PLXNA4: variants seen among roughly 807,000 people sequenced by gnomAD.
PLXNA4 encodes the protein plexin-A4.
In PLXNA4, 44 loss-of-function variants were observed where a neutral mutation model predicts 191.8. The ratio of observed to expected loss-of-function variants is 0.23; its 90% confidence interval spans 0.18 to 0.29. The LOEUF is 0.29. PLXNA4 is among the 10% of genes least tolerant of loss of function. The probability of loss-of-function intolerance (pLI) is 1.00; values close to 1 mark genes in which losing one functional copy is unlikely to be tolerated. For synonymous variants in PLXNA4, 1,082 were observed against 1,009.5 expected (o/e 1.07, Z -1.36); for missense variants, 1,800 against 2,488.8 (o/e 0.72, Z 5.89).
At chr7:132,305,086 GCTGTGGGAGGGGATTCTTGGAGA>G (rs1404524442) in intron 3 of PLXNA4, among the ~76,000 whole-genome samples, 3 of 152,208 alleles carry the variant, frequency 2.0e-5, no homozygotes, top group Non-Finnish European at 4.4e-5. Flanking sequence ...CAGAATCGTT[GCTGTGGGAGGGGATTCTTGGAGA>G]CTCTTACCTG....
At chr7:132,630,156 C>A (rs1194783076) in intron 2 of PLXNA4, among the ~76,000 whole-genome samples, 1 of 151,996 alleles carries the variant, frequency 6.6e-6, no homozygotes, top group South Asian at 2.1e-4. Context: ...GGCCTGGTGT[C>A]TCTTCTTATA....
At chr7:132,385,031 C>T (rs1254984653) in intron 3 of PLXNA4, 62 of 1,444,892 alleles carry the variant, frequency 4.3e-5, no homozygotes, top group Non-Finnish European at 5.4e-5. Context: ...GACACATTCT[C>T]CAAAGTCTTT....
At chr7:132,612,778 G>A (rs1803078131) in intron 2 of PLXNA4, among the ~76,000 whole-genome samples, 1 of 150,928 alleles carries the variant, frequency 6.6e-6, no homozygotes, top group South Asian at 2.1e-4. Flanking sequence ...CCTGTGTATT[G>A]TTAGATATTT....
intron 5 of PLXNA4, 39 bp from the exon 6 acceptor site, chr7:132,228,508 C>T (rs764075879): frequency 1.4e-5 from 23 of 1,612,042 alleles, no homozygotes; most frequent in South Asian, 1.2e-4. Flanking sequence ...AGGAGATGGC[C>T]GCTTGGTCCA....
chr7:132,230,405 C>T (rs975347690), intron 5 of PLXNA4, among the ~76,000 whole-genome samples: 4 of 152,148 alleles, frequency 2.6e-5, no homozygotes, highest in South Asian at 2.1e-4. Context: ...CTAGGCTAAT[C>T]GCTATTTTTG....
At chr7:132,560,390 A>G (rs1800988566) in intron 1 of PLXNA4, among the ~76,000 whole-genome samples, 1 of 152,204 alleles carries the variant, frequency 6.6e-6, no homozygotes, top group Admixed American at 6.5e-5. Flanking sequence ...TGCTTTCAGA[A>G]CAATTTCAAG....
In PLXNA4 at chr7:132,228,482, T is replaced by C; in HGVS notation, c.1605-13A>G. 2.5e-6 allele frequency: 4 copies of C among 1,613,856 alleles called. No homozygotes were observed. Among genetic ancestry groups the C allele is most frequent in the South Asian group, 1.1e-5 (1 of 91,064 alleles). ...CTTCCGGGTGCAACTGGGAAGGACA[T>C]ACCCTCGAGTTACTCAGGAGATGGC... On this transcript the variant is annotated splice_polypyrimidine_tract_variant and intron_variant, in intron 5 of 31. Coordinates refer to ENST00000321063, the MANE Select transcript of PLXNA4 (RefSeq NM_020911.2).
intron 2 of PLXNA4, among the ~76,000 whole-genome samples, chr7:132,621,268 G>GTT (rs542790311): frequency 2.9e-4 from 24 of 83,180 alleles, no homozygotes; most frequent in Non-Finnish European, 3.4e-4. Context: ...TGGTTTTTTT[G>GTT]TTTTTTTTTT....
chr7:132,204,734 C>T (rs1390886437), intron 10 of PLXNA4, among the ~76,000 whole-genome samples: 1 of 152,164 alleles, frequency 6.6e-6, no homozygotes, highest in African/African-American at 2.4e-5. Context: ...AGGGCTACTG[C>T]CTCTGGGCAG....
At chr7:132,279,834 A>G (rs1563009019) in intron 4 of PLXNA4, among the ~76,000 whole-genome samples, 1 of 152,200 alleles carries the variant, frequency 6.6e-6, no homozygotes, top group South Asian at 2.1e-4. Flanking sequence ...GGACGGAGAG[A>G]TGATGACATT....
chr7:132,555,435 G>T (rs1800762534), intron 1 of PLXNA4, among the ~76,000 whole-genome samples: 1 of 152,180 alleles, frequency 6.6e-6, no homozygotes, highest in Admixed American at 6.5e-5. Context: ...AAACTGAAGT[G>T]TTTTAATCCA....
chr7:132,521,552 T>C (rs1267049901), intron 1 of PLXNA4, among the ~76,000 whole-genome samples: 1 of 152,138 alleles, frequency 6.6e-6, no homozygotes, highest in East Asian at 1.9e-4. Flanking sequence ...ATGTGCAGTT[T>C]CTGGCAATGA....
At position 132,141,999 on chromosome 7, in the gene PLXNA4, A is replaced by G. The variant is rs1473469441; in HGVS notation, c.5226-1188T>C. ...CCCACCTCTGCATCCCAAAGTGTTG[A>G]GAATACAAGGCGTGAGCCACTGTGC... On this transcript the variant is annotated intron_variant, in intron 29 of 31. Transcript: ENST00000321063. Among the ~76,000 whole-genome samples the G allele has an allele frequency of 3.3e-5, 5 of 152,132 alleles. No homozygotes were observed. In the East Asian group the frequency reaches 9.6e-4, roughly 29 times the overall value.
chr7:132,425,731 C>T (rs1053380123), intron 3 of PLXNA4, among the ~76,000 whole-genome samples: 2 of 152,318 alleles, frequency 1.3e-5, no homozygotes, highest in Middle Eastern at 3.4e-3. Context: ...AAGAAAGAAA[C>T]ATTTGAGGAA....
At chr7:132,338,578 A>G (rs1802906037) in intron 3 of PLXNA4, among the ~76,000 whole-genome samples, 1 of 152,190 alleles carries the variant, frequency 6.6e-6, no homozygotes, top group African/African-American at 2.4e-5. Flanking sequence ...AGTGATTAAC[A>G]TTTTCACCCT....
rs538620049 is a variant in PLXNA4 at position 132,554,264 on chromosome 7, G to A, written c.-87+22158C>T. Among the ~76,000 whole-genome samples the A allele has an allele frequency of 2.6e-5, 4 of 152,270 alleles. No homozygotes were observed. The East Asian group carries it at 7.7e-4, about 29-fold the overall frequency. ...ATGGCAGTGACAAGGACCCTGGGGG[G>A]ACAGTGTGACAATGAGGTGCCCCTT... On this transcript the variant is annotated intron_variant, in intron 1 of 31. Coordinates refer to ENST00000321063, the MANE Select transcript of PLXNA4 (RefSeq NM_020911.2).
intron 3 of PLXNA4, among the ~76,000 whole-genome samples, chr7:132,396,907 C>T (rs764584471): frequency 3.6e-4 from 55 of 152,256 alleles, no homozygotes; most frequent in Admixed American, 1.9e-3. Context: ...TAGGGAAAGA[C>T]CCTGCCTTGG....
chr7:132,342,946 CAAAA>C (rs370055779), intron 3 of PLXNA4, among the ~76,000 whole-genome samples: 2 of 102,422 alleles, frequency 2.0e-5, no homozygotes, highest in Non-Finnish European at 4.0e-5. Flanking sequence ...GACTCTGCCT[CAAAA>C]AAAAAAAAAA....
At chr7:132,414,913 C>T (rs1281027103) in intron 3 of PLXNA4, among the ~76,000 whole-genome samples, 1 of 152,120 alleles carries the variant, frequency 6.6e-6, no homozygotes, top group Admixed American at 6.5e-5. Flanking sequence ...AAATTCTTTC[C>T]AACGCCAAGG....
Sources: gnomAD v4.1 joint callset for allele counts (sites outside exome capture counted in the v4.1 genomes callset) on GRCh38, gnomAD v4.1.1 for gene constraint, MANE v1.5 for transcripts, NCBI Gene and HGNC (gene_info 2026-07-23, HGNC 2026-07-21) for gene names.